The following STIM2 variants were observed in gnomAD, a reference collection of about 807,000 sequenced individuals.
STIM2 encodes the protein stromal interaction molecule 2.
STIM2 carries 31 observed loss-of-function variants against 85.8 expected under a neutral mutation model. The observed-to-expected ratio is 0.36, with a 90% CI of 0.27 to 0.49. STIM2 has a LOEUF of 0.49. STIM2 is among the 20% of genes least tolerant of loss of function. The pLI, the probability that STIM2 is intolerant of heterozygous loss-of-function variation, is 0.98. For synonymous variants in STIM2, 356 were observed against 331.1 expected (o/e 1.08, Z -0.82); for missense variants, 841 against 927.6 (o/e 0.91, Z 1.21).
At chr4:26,988,918 A>G (rs759913420) in intron 3 of STIM2, among the ~76,000 whole-genome samples, 1 of 152,208 alleles carries the variant, frequency 6.6e-6, no homozygotes, top group Non-Finnish European at 1.5e-5. Flanking sequence ...ATGGAATCAT[A>G]GAAACAGTTT....
chr4:26,938,595 A>G (rs971678968), intron 2 of STIM2, among the ~76,000 whole-genome samples: 2 of 152,218 alleles, frequency 1.3e-5, no homozygotes, highest in East Asian at 1.9e-4. Context: ...CACTGATCAC[A>G]TAGTCTCAGG....
chr4:26,995,443 T>A lies in STIM2; in HGVS notation c.462T>A (p.Tyr154Ter). The change falls in exon 4 of 12, where the codon TAT becomes TAA. Residue 154 changes from tyrosine to a stop codon, truncating the protein, a stop_gained. Transcript: ENST00000467087. LOFTEE classifies it high-confidence loss of function. ...TAGAGTTTGTTGAACTACCCCAATA[T>A]GAGAAGAATTTTAGAGACAACAATG... 1 of 1,603,190 alleles carries A rather than the reference T, an allele frequency of 6.2e-7. No individual in the cohort carries two copies. The highest frequency in any genetic ancestry group is 8.5e-7 in the Non-Finnish European group (1 of 1,175,074).
At chr4:26,913,439 G>T (rs1211932031) in intron 1 of STIM2, among the ~76,000 whole-genome samples, 1 of 151,992 alleles carries the variant, frequency 6.6e-6, no homozygotes, top group Non-Finnish European at 1.5e-5. Context: ...AGTTCCCCTT[G>T]GTTATTTTTG....
intron 10 of STIM2, among the ~76,000 whole-genome samples, chr4:27,009,602 A>G (rs1728493435): frequency 6.6e-6 from 1 of 152,224 alleles, no homozygotes; most frequent in Non-Finnish European, 1.5e-5. Context: ...GACAGCAGAC[A>G]GTTAATGCAA....
chr4:26,982,533 T>C (rs1727439749), intron 3 of STIM2, among the ~76,000 whole-genome samples: 1 of 152,180 alleles, frequency 6.6e-6, no homozygotes, highest in Non-Finnish European at 1.5e-5. Context: ...TATATATCCT[T>C]CTATATCCAT....
chr4:26,893,474 AT>A (rs1723573322), intron 1 of STIM2, among the ~76,000 whole-genome samples: 1 of 152,154 alleles, frequency 6.6e-6, no homozygotes, highest in African/African-American at 2.4e-5. Context: ...AGATTTGTCC[AT>A]TTTGTTCTGT....
In STIM2 at chr4:27,023,155, C is replaced by G. The variant is rs1728970592; in HGVS notation, c.*159C>G. ...GTGGAACATCCAGAAGGGCAACTGT[C>G]TACTGTCTGCTTATTTAAGTGACTA... On this transcript the variant is annotated 3_prime_UTR_variant, in exon 12 of 12. Transcript: ENST00000467087. The G allele has an allele frequency of 1.5e-6, 1 of 674,006 alleles. No homozygotes were observed. The highest frequency in any genetic ancestry group is 1.8e-5 in the African/African-American group (1 of 55,552). The allele number at this position is 674,006 out of a possible 1,614,324, so 41.8% of individuals were successfully genotyped here.
At chr4:26,904,552 C>T (rs190856133) in intron 1 of STIM2, among the ~76,000 whole-genome samples, 33 of 152,114 alleles carry the variant, frequency 2.2e-4, no homozygotes, top group African/African-American at 8.0e-4. Context: ...TGAGATTGTC[C>T]ATTGGATTTA....
chr4:27,018,127 C>T, intron 11 of STIM2, 143 bp downstream of exon 11: 4 of 1,234,064 alleles, frequency 3.2e-6, no homozygotes, highest in Non-Finnish European at 4.5e-6. Flanking sequence ...TCAGACATCA[C>T]CCATTTTTTA....
intron 3 of STIM2, among the ~76,000 whole-genome samples, chr4:26,987,835 A>G (rs552665166): frequency 6.6e-6 from 1 of 152,336 alleles, no homozygotes; most frequent in African/African-American, 2.4e-5. Context: ...CATTACTGTT[A>G]GTACTATATG....
chr4:26,918,968 G>A (rs569712440), intron 1 of STIM2, among the ~76,000 whole-genome samples: 4 of 152,084 alleles, frequency 2.6e-5, no homozygotes, highest in African/African-American at 7.2e-5. Context: ...AGCTATATGG[G>A]TAGACTCTTG....
chr4:26,975,218 C>T (rs1223527444), intron 3 of STIM2, among the ~76,000 whole-genome samples: 4 of 152,154 alleles, frequency 2.6e-5, no homozygotes, highest in African/African-American at 7.2e-5. Context: ...TTGTTATTAC[C>T]GACCTTCTGA....
chr4:27,023,042 A>G lies in STIM2; in HGVS notation c.*46A>G. On this transcript the variant is annotated 3_prime_UTR_variant, in exon 12 of 12. Transcript: ENST00000467087. ...CATGTTCAAGTGGCATCTGTAAACTATTATCCCCCACCCTCCACTCCCCAC... is the reference window on the plus strand; with the variant it reads ...CATGTTCAAGTGGCATCTGTAAACTGTTATCCCCCACCCTCCACTCCCCAC... 4 of 1,553,016 alleles carry G rather than the reference A, an allele frequency of 2.6e-6. No homozygotes were observed. The highest frequency in any genetic ancestry group is 1.2e-5 in the South Asian group (1 of 85,952).
chr4:26,886,243 T>A (rs1723246608), intron 1 of STIM2, among the ~76,000 whole-genome samples: 1 of 152,182 alleles, frequency 6.6e-6, no homozygotes, highest in Non-Finnish European at 1.5e-5. Context: ...CTGAGAAGAT[T>A]GTTTGAAATT....
intron 2 of STIM2, among the ~76,000 whole-genome samples, chr4:26,928,972 A>G (rs1180261199): frequency 1.3e-5 from 2 of 152,176 alleles, no homozygotes; most frequent in East Asian, 3.8e-4. Flanking sequence ...CTACTACCTA[A>G]AAGAATGTAG....
intron 1 of STIM2, chr4:26,873,888 C>T: frequency 7.4e-7 from 1 of 1,345,202 alleles, no homozygotes; most frequent in Non-Finnish European, 1.0e-6. Flanking sequence ...TGCTCCTTCT[C>T]CCAGGGGTCT....
At chr4:27,010,503 G>T (rs1728523041) in intron 10 of STIM2, among the ~76,000 whole-genome samples, 1 of 152,096 alleles carries the variant, frequency 6.6e-6, no homozygotes, top group Non-Finnish European at 1.5e-5. Context: ...AATAACTCAT[G>T]TCAAAGATTA....
chr4:26,862,598 G>A (rs894107001), intron 1 of STIM2, among the ~76,000 whole-genome samples: 10 of 152,158 alleles, frequency 6.6e-5, no homozygotes, highest in Middle Eastern at 3.2e-3. Context: ...AAGCTTTGGA[G>A]GATGTAGAGT....
intron 7 of STIM2, among the ~76,000 whole-genome samples, chr4:27,004,706 C>G (rs1728275024): frequency 6.6e-6 from 1 of 152,032 alleles, no homozygotes; most frequent in Admixed American, 6.6e-5. Flanking sequence ...CCGAAGTTAC[C>G]AAAATGTGAT....
Sources: gnomAD v4.1 joint callset for allele counts (sites outside exome capture counted in the v4.1 genomes callset) on GRCh38, gnomAD v4.1.1 for gene constraint, MANE v1.5 for transcripts, NCBI Gene and HGNC (gene_info 2026-07-23, HGNC 2026-07-21) for gene names.